The following LSM2 variants were observed in gnomAD, a reference collection of about 807,000 sequenced individuals.
LSM2 encodes the protein U6 snRNA-associated Sm-like protein LSm2.
LSM2 carries 12 observed loss-of-function variants against 17.0 expected under a neutral mutation model. The ratio of observed to expected loss-of-function variants is 0.70; its 90% CI spans 0.45 to 1.14. The LOEUF is 1.14. Ranked by LOEUF, LSM2 falls within the 50% of genes most tolerant of loss-of-function variation. The pLI, the probability that LSM2 is intolerant of heterozygous loss-of-function variation, is 0.00. For missense variants in LSM2, 62 were observed against 111.8 expected (o/e 0.55, Z 2.01); for synonymous variants, 42 against 44.5 (o/e 0.94, Z 0.22).
chr6:31,800,829 T>C (rs1038627969), intron 2 of LSM2, among the ~76,000 whole-genome samples: 3 of 150,386 alleles, frequency 2.0e-5, no homozygotes, highest in African/African-American at 7.4e-5. Context: ...GAGCTTGCAG[T>C]GAGCGGAGAT....
rs774890667 is a variant in LSM2, at chr6:31,806,076, T to A, written c.70A>T (p.Ser24Cys). Residue 24 changes from serine to cysteine, a missense_variant and splice_region_variant, in exon 2 of 5, where the codon AGC becomes TGC. Coordinates refer to ENST00000375661, the MANE Select transcript of LSM2 (RefSeq NM_021177.5). ...AGACTTGTTGGAACAGGTACCTACC[T>A]CAGGTCATTCTTTAGTTCCACGACC... The part of the protein sequence containing the change: ...DVVVELKNDL[S>C]ICGTLHSVDQ... The A allele has an allele frequency of 3.1e-6, 5 of 1,612,788 alleles. No homozygotes were observed. The South Asian group carries it at 5.5e-5, about 18-fold the overall frequency.
intron 2 of LSM2, among the ~76,000 whole-genome samples, chr6:31,805,554 A>G (rs1307058062): frequency 6.6e-6 from 1 of 151,736 alleles, no homozygotes; most frequent in Admixed American, 6.6e-5. Flanking sequence ...TAGTAGAGAC[A>G]GGGTTTCACC....
chr6:31,797,778 T>TTCCTTCC lies in LSM2; in HGVS notation c.260_266dup (p.Ala90GlufsTer54). 1 of 1,613,002 alleles carries TTCCTTCC rather than the reference T, an allele frequency of 6.2e-7. No individual in the cohort carries two copies. The highest frequency in any genetic ancestry group is 8.5e-7 in the Non-Finnish European group (1 of 1,180,026). ...GCCATCACTGTTTCTGCTGCAGGGC[T>TTCCTTCC]TCCTTCCTTGCCGCATCCTGTAGCA... On this transcript the variant is annotated frameshift_variant, in exon 5 of 5. Transcript: ENST00000375661. LOFTEE classifies it high-confidence loss of function.
intron 1 of LSM2, 31 bp downstream of exon 1, chr6:31,806,724 G>A (rs772514785): frequency 6.2e-7 from 1 of 1,608,452 alleles, no homozygotes; most frequent in South Asian, 1.1e-5. Context: ...AGGTCCCCGA[G>A]GGCGCCCCCT....
chr6:31,801,383 C>A (rs1482483047), intron 2 of LSM2, among the ~76,000 whole-genome samples: 1 of 152,096 alleles, frequency 6.6e-6, no homozygotes, highest in East Asian at 1.9e-4. Context: ...TGACAGCACC[C>A]CACCATCTCC....
intron 2 of LSM2, among the ~76,000 whole-genome samples, chr6:31,799,897 A>G (rs1007712238): frequency 7.7e-6 from 1 of 129,414 alleles, no homozygotes; most frequent in Non-Finnish European, 1.8e-5. Flanking sequence ...GCAAAAATTT[A>G]AAAAAACAGC....
intron 2 of LSM2, among the ~76,000 whole-genome samples, chr6:31,799,430 C>T (rs1814570068): frequency 6.6e-6 from 1 of 152,074 alleles, no homozygotes; most frequent in Non-Finnish European, 1.5e-5. Context: ...AATCTCGGCT[C>T]ACTGAAAGCT....
chr6:31,806,499 G>A, intron 1 of LSM2: 2 of 625,352 alleles, frequency 3.2e-6, no homozygotes, highest in South Asian at 3.9e-5. Context: ...GCAGAGAAGT[G>A]CTCTGAGGTC....
chr6:31,800,364 T>C (rs1263579779), intron 2 of LSM2, among the ~76,000 whole-genome samples: 1 of 151,884 alleles, frequency 6.6e-6, no homozygotes, highest in Non-Finnish European at 1.5e-5. Flanking sequence ...AAAATAATCG[T>C]AATAAATAGC....
chr6:31,806,518 C>G (rs914174361), intron 1 of LSM2: 2 of 646,796 alleles, frequency 3.1e-6, no homozygotes, highest in Non-Finnish European at 5.5e-6. Flanking sequence ...TCTAACTTTT[C>G]CGTCTCCCGC....
chr6:31,806,863 C>A lies in LSM2; in HGVS notation c.-106G>T. 1 of 1,405,686 alleles carries A rather than the reference C, an allele frequency of 7.1e-7. No individual in the cohort carries two copies. Among genetic ancestry groups the A allele is most frequent in the Non-Finnish European group, 9.5e-7 (1 of 1,057,046 alleles). The allele number at this position is 1,405,686 out of a possible 1,614,324, so 87.1% of individuals were successfully genotyped here. ...GCCCGCGCGTGGGGCGAGGCGGGAC[C>A]GCGCAGGCGCAGCGGGAAGCGACGC... is the stretch of plus-strand genomic sequence containing the variant. On this transcript the variant is annotated 5_prime_UTR_variant, in exon 1 of 5. Transcript: ENST00000375661.
intron 2 of LSM2, among the ~76,000 whole-genome samples, chr6:31,802,158 T>C (rs1814749883): frequency 1.3e-5 from 2 of 151,798 alleles, no homozygotes; most frequent in South Asian, 4.1e-4. Flanking sequence ...CAGGCACTTG[T>C]AATCCCAGCT....
At chr6:31,805,674 C>A (rs1175439422) in intron 2 of LSM2, among the ~76,000 whole-genome samples, 1 of 151,842 alleles carries the variant, frequency 6.6e-6, no homozygotes, top group Non-Finnish European at 1.5e-5. Context: ...TGAGCCACTG[C>A]GCCTGACCTG....
intron 2 of LSM2, among the ~76,000 whole-genome samples, chr6:31,804,117 C>CT (rs1413289867): frequency 1.3e-5 from 2 of 152,086 alleles, no homozygotes; most frequent in African/African-American, 4.8e-5. Context: ...AATCCCAACA[C>CT]TTTGAGAGGC....
At chr6:31,802,989 A>T (rs1003206131) in intron 2 of LSM2, 1 of 152,236 alleles carries the variant, frequency 6.6e-6, no homozygotes, top group African/African-American at 2.4e-5. Flanking sequence ...CTTCCCATGT[A>T]AAAGGCCCAG....
At position 31,798,524 on chromosome 6, in the gene LSM2, G is replaced by A. The variant is rs1562323556; in HGVS notation, c.72-17C>T. On this transcript the variant is annotated splice_polypyrimidine_tract_variant and intron_variant, in intron 2 of 4. Coordinates refer to ENST00000375661, the MANE Select transcript of LSM2 (RefSeq NM_021177.5). ...CCACAGATGCTGTCAAGGGCAGAGG[G>A]AGAGAAGAATCAAATTAGTTTATAA... 2.5e-6 allele frequency: 4 copies of A among 1,612,684 alleles called. No homozygotes were observed. Among genetic ancestry groups the A allele is most frequent in the South Asian group, 2.2e-5 (2 of 91,036 alleles).
chr6:31,806,687 G>A (rs1815056374), intron 1 of LSM2, 68 bp downstream of exon 1: 2 of 1,587,584 alleles, frequency 1.3e-6, no homozygotes, highest in African/African-American at 2.7e-5. Context: ...GGGGTACAAA[G>A]GCCAGATCCC....
intron 2 of LSM2, among the ~76,000 whole-genome samples, chr6:31,798,732 T>TC (rs1433409692): frequency 3.0e-5 from 4 of 132,748 alleles, no homozygotes; most frequent in Admixed American, 8.0e-5. Flanking sequence ...ACCAATCCAT[T>TC]CTTTTTTTTT....
intron 2 of LSM2, among the ~76,000 whole-genome samples, chr6:31,804,763 C>CTTTTTTT (rs9279424): frequency 4.8e-5 from 5 of 104,906 alleles, no homozygotes; most frequent in East Asian, 2.9e-4. Context: ...TCTTTTTTTT[C>CTTTTTTT]TTTTTTTTTT....
Sources: allele counts gnomAD v4.1 joint callset (sites outside exome capture counted in the v4.1 genomes callset), GRCh38; gene constraint gnomAD v4.1.1; transcripts MANE v1.5; gene names NCBI Gene and HGNC (gene_info 2026-07-23, HGNC 2026-07-21).